LRRC1: variants seen among roughly 807,000 people sequenced by gnomAD.
The protein encoded by LRRC1 is leucine rich repeat containing 1.
Under a neutral mutation model 69.9 loss-of-function variants are expected in LRRC1, and 28 were observed. The observed-to-expected ratio is 0.40, with a 90% CI of 0.30 to 0.55. The LOEUF (loss-of-function observed/expected upper bound fraction) is 0.55. Among genes scored for constraint, LRRC1 ranks in the 20% least tolerant of loss-of-function variants. LRRC1 has a pLI of 0.47. For synonymous variants in LRRC1, 236 were observed against 240.2 expected (o/e 0.98, Z 0.16); for missense variants, 498 against 609.0 (o/e 0.82, Z 1.92).
In LRRC1 at chr6:53,913,974, G is replaced by A. The variant is rs757300516; in HGVS notation, c.1106+5G>A. ...CCTGGATGTGGCAGGGAACAGGTAA[G>A]CCTGTTGTAGTTTGCTTTGCTTGAG... On this transcript the variant is annotated splice_donor_5th_base_variant and intron_variant, in intron 11 of 13. Transcript: ENST00000370888. 93 of 1,595,694 alleles carry A rather than the reference G, an allele frequency of 5.8e-5. No homozygotes were observed. Among genetic ancestry groups the A allele is most frequent in the Non-Finnish European group, 7.6e-5 (89 of 1,164,952 alleles).
At chr6:53,882,076 C>T (rs570902483) in intron 3 of LRRC1, among the ~76,000 whole-genome samples, 4 of 152,170 alleles carry the variant, frequency 2.6e-5, no homozygotes, top group South Asian at 4.2e-4. Flanking sequence ...GCAGTTGTCG[C>T]GGTGGCTCAC....
In LRRC1 at chr6:53,855,868, C is replaced by T. The variant is rs80334107; in HGVS notation, c.277+13641C>T. On this transcript the variant is annotated intron_variant, in intron 2 of 13. Transcript: ENST00000370888. Reference sequence around the variant, plus strand: ...TCTGCTCTTCCTCCTCATCAGGGCCCTGCCTTTGGGTCTTGTCTCAAACTA... The same window carrying T: ...TCTGCTCTTCCTCCTCATCAGGGCCTTGCCTTTGGGTCTTGTCTCAAACTA... Among the ~76,000 whole-genome samples the T allele has an allele frequency of 9.0e-3, 1,369 of 152,284 alleles. 30 individuals are homozygous for T. The East Asian group carries it at 0.09, about 10-fold the overall frequency.
intron 1 of LRRC1, among the ~76,000 whole-genome samples, chr6:53,799,641 A>G (rs1288319797): frequency 1.3e-5 from 2 of 152,232 alleles, no homozygotes; most frequent in Non-Finnish European, 2.9e-5. Context: ...CATATTTTCT[A>G]TGAACATGAC....
chr6:53,870,878 A>G (rs1161155070), intron 2 of LRRC1, among the ~76,000 whole-genome samples: 2 of 152,156 alleles, frequency 1.3e-5, no homozygotes, highest in East Asian at 3.9e-4. Flanking sequence ...CATATGAGTG[A>G]GATTATGTGA....
rs568464684 is a variant in LRRC1, at chr6:53,922,988, C to T, written c.*195C>T. 14 of 475,736 alleles carry T rather than the reference C, an allele frequency of 2.9e-5. No homozygotes were observed. Among genetic ancestry groups the T allele is most frequent in the East Asian group, 1.2e-4 (4 of 32,362 alleles). The allele number at this position is 475,736 out of a possible 1,614,324, so 29.5% of individuals were successfully genotyped here. A position where few individuals can be genotyped will look rare whatever the true frequency, so the allele number is the denominator to read the frequency against. ...ACCAGTCAGCGCACCAGTGGTCTCC[C>T]GGTGTGATTTTTTTTTTTTTTAATT... On this transcript the variant is annotated 3_prime_UTR_variant, in exon 14 of 14. Coordinates refer to ENST00000370888, the MANE Select transcript of LRRC1 (RefSeq NM_018214.5).
intron 2 of LRRC1, among the ~76,000 whole-genome samples, chr6:53,854,065 A>G (rs887861749): frequency 1.3e-5 from 2 of 152,174 alleles, no homozygotes; most frequent in African/African-American, 4.8e-5. Context: ...CCATAGTCAT[A>G]TCTTCTCTGA....
chr6:53,889,524 G>C (rs1367155253), intron 4 of LRRC1, among the ~76,000 whole-genome samples: 1 of 151,988 alleles, frequency 6.6e-6, no homozygotes, highest in African/African-American at 2.4e-5. Context: ...AGCATGTTAA[G>C]TAAAAGAACC....
chr6:53,827,538 G>A (rs1356770807), intron 1 of LRRC1, among the ~76,000 whole-genome samples: 1 of 152,172 alleles, frequency 6.6e-6, no homozygotes, highest in Non-Finnish European at 1.5e-5. Context: ...CCTCAGAGAG[G>A]TCGTGGCATT....
At chr6:53,875,440 CAT>C (rs1313026751) in intron 2 of LRRC1, among the ~76,000 whole-genome samples, 7 of 151,870 alleles carry the variant, frequency 4.6e-5, no homozygotes, top group Admixed American at 1.3e-4. Context: ...TATTTATACA[CAT>C]ATTCTGTGTG....
chr6:53,894,343 C>G (rs1767799272), intron 4 of LRRC1, among the ~76,000 whole-genome samples: 1 of 152,198 alleles, frequency 6.6e-6, no homozygotes, highest in African/African-American at 2.4e-5. Flanking sequence ...GGTTTCTCCC[C>G]CTTGGCTCTG....
chr6:53,877,137 C>G (rs565182778), intron 2 of LRRC1, among the ~76,000 whole-genome samples: 5 of 152,350 alleles, frequency 3.3e-5, no homozygotes, highest in African/African-American at 9.6e-5. Context: ...AAGCTCAACA[C>G]TATGTGGAAG....
chr6:53,897,156 T>G (rs1351579053), intron 6 of LRRC1, 129 bp from the exon 7 acceptor site: 1 of 669,282 alleles, frequency 1.5e-6, no homozygotes, highest in Non-Finnish European at 2.5e-6. Flanking sequence ...GGCTGGATGT[T>G]AAGAGAAGTA....
At chr6:53,830,741 C>A (rs978056216) in intron 1 of LRRC1, among the ~76,000 whole-genome samples, 8 of 151,870 alleles carry the variant, frequency 5.3e-5, no homozygotes, top group Non-Finnish European at 1.0e-4. Context: ...GTAAACCTAT[C>A]TGGTTGGAGA....
intron 1 of LRRC1, among the ~76,000 whole-genome samples, chr6:53,806,918 G>C (rs1290401940): frequency 6.6e-6 from 1 of 152,132 alleles, no homozygotes; most frequent in Admixed American, 6.5e-5. Context: ...CATTTTCCCA[G>C]CTTTTCAAAA....
intron 2 of LRRC1, among the ~76,000 whole-genome samples, chr6:53,872,621 G>A (rs904806563): frequency 1.1e-4 from 17 of 151,926 alleles, no homozygotes; most frequent in African/African-American, 4.1e-4. Context: ...GGGGTCTTTT[G>A]TGGTTCTGTA....
At chr6:53,856,923 T>G (rs1308249635) in intron 2 of LRRC1, among the ~76,000 whole-genome samples, 1 of 152,112 alleles carries the variant, frequency 6.6e-6, no homozygotes, top group East Asian at 1.9e-4. Flanking sequence ...GCTGGTAGCT[T>G]GCTGGAGCGG....
chr6:53,900,865 G>A (rs532544578), intron 8 of LRRC1, among the ~76,000 whole-genome samples: 5 of 152,294 alleles, frequency 3.3e-5, no homozygotes, highest in South Asian at 2.1e-4. Flanking sequence ...TGGAGTTATC[G>A]TAGGATTGCT....
rs79525685 is a variant in LRRC1, at chr6:53,882,362, G to C, written c.357-525G>C. Reference sequence around the variant, plus strand: ...GACTCCATCTCAAAAAGAAAGGAAAGTAGCAATTGTCTGTCAGTGGATCAA... The same window carrying C: ...GACTCCATCTCAAAAAGAAAGGAAACTAGCAATTGTCTGTCAGTGGATCAA... On this transcript the variant is annotated intron_variant, in intron 3 of 13. Transcript: ENST00000370888. Among the ~76,000 whole-genome samples, 804 of 152,196 alleles carry C rather than the reference G, an allele frequency of 5.3e-3. 5 individuals carry two copies. Among genetic ancestry groups the C allele is most frequent in the Non-Finnish European group, 9.9e-3 (672 of 67,998 alleles).
intron 4 of LRRC1, among the ~76,000 whole-genome samples, chr6:53,893,699 T>C (rs1767776536): frequency 6.6e-6 from 1 of 152,240 alleles, no homozygotes; most frequent in African/African-American, 2.4e-5. Context: ...CTGTACTTTG[T>C]TAATTTTTAC....
Sources: allele counts gnomAD v4.1 joint callset (sites outside exome capture counted in the v4.1 genomes callset), GRCh38; gene constraint gnomAD v4.1.1; transcripts MANE v1.5; gene names NCBI Gene and HGNC (gene_info 2026-07-23, HGNC 2026-07-21).